Variants in NGEF observed in about 807,000 individuals in gnomAD.
NGEF encodes the protein neuronal guanine nucleotide exchange factor, also known as ephexin-1.
Under a neutral mutation model 80.9 loss-of-function variants are expected in NGEF, and 31 were observed. That is an observed-to-expected ratio of 0.38 (90% CI 0.29 to 0.52). The LOEUF (loss-of-function observed/expected upper bound fraction) is 0.52, where lower values mean the gene tolerates loss of function less well. NGEF is among the 20% of genes least tolerant of loss of function. NGEF has a pLI of 0.84. For synonymous variants in NGEF, 371 were observed against 370.2 expected (o/e 1.00, Z -0.03); for missense variants, 709 against 926.2 (o/e 0.77, Z 3.04).
chr2:232,991,863 AC>A (rs565251326), intron 1 of NGEF, among the ~76,000 whole-genome samples: 200 of 152,366 alleles, frequency 1.3e-3, no homozygotes, highest in Middle Eastern at 0.01. Flanking sequence ...ACAGTGTGGT[AC>A]TGGCACAGGA....
intron 4 of NGEF, among the ~76,000 whole-genome samples, chr2:232,925,783 G>A (rs927499816): frequency 6.6e-6 from 1 of 152,128 alleles, no homozygotes; most frequent in Admixed American, 6.5e-5. Context: ...GGTTGTCAGG[G>A]GCCTTTGTTT....
chr2:232,981,885 T>G (rs1434883448), intron 1 of NGEF, among the ~76,000 whole-genome samples: 1 of 152,236 alleles, frequency 6.6e-6, no homozygotes, highest in East Asian at 1.9e-4. Context: ...TTTATACACC[T>G]GCTCGGGAAC....
At chr2:232,982,909 C>T (rs950918640) in intron 1 of NGEF, among the ~76,000 whole-genome samples, 1 of 152,180 alleles carries the variant, frequency 6.6e-6, no homozygotes, top group Non-Finnish European at 1.5e-5. Flanking sequence ...TCTGGCTTGG[C>T]AGAAAAGTCC....
chr2:232,949,817 G>GTT (rs540579976), intron 3 of NGEF, among the ~76,000 whole-genome samples: 9 of 133,138 alleles, frequency 6.8e-5, no homozygotes, highest in South Asian at 2.4e-4. Flanking sequence ...TAAATTTTTG[G>GTT]TTTTTTTTTT....
Position 232,879,263 on chromosome 2 carries a change from G to A in NGEF, c.*226C>T, listed in dbSNP as rs1691403244. ...GGTGTAATACTGCTGAAACCTTCTT[G>A]TTTACAAATGCATCAGGAGAGGCTT... is the stretch of plus-strand genomic sequence containing the variant. On this transcript the variant is annotated 3_prime_UTR_variant, in exon 15 of 15. Transcript: ENST00000264051. 1 of 517,762 alleles carries A rather than the reference G, an allele frequency of 1.9e-6. No individual in the cohort carries two copies. Among genetic ancestry groups the A allele is most frequent in the African/African-American group, 1.9e-5 (1 of 52,814 alleles). 32.1% of individuals were successfully genotyped at this position (517,762 alleles called of 1,614,324 possible).
intron 5 of NGEF, 103 bp from the exon 6 acceptor site, chr2:232,895,019 G>C (rs1218561357): frequency 7.4e-7 from 1 of 1,352,004 alleles, no homozygotes; most frequent in Non-Finnish European, 1.0e-6. Context: ...GCAGGGAGTT[G>C]AAAGGGAAAA....
At chr2:232,976,835 C>G (rs1484251564) in intron 1 of NGEF, among the ~76,000 whole-genome samples, 1 of 152,230 alleles carries the variant, frequency 6.6e-6, no homozygotes, top group Non-Finnish European at 1.5e-5. Flanking sequence ...ATACCTGACC[C>G]TTCTGGTCCC....
chr2:232,915,881 G>C (rs1452212953), intron 5 of NGEF, among the ~76,000 whole-genome samples: 1 of 152,082 alleles, frequency 6.6e-6, no homozygotes, highest in Non-Finnish European at 1.5e-5. Flanking sequence ...AGTAGAGATG[G>C]GGTTTCACCA....
rs1377636542 is a variant in NGEF at position 232,995,157 on chromosome 2, ATG to A, written c.-75+17909_-75+17910del. Reference sequence around the variant, plus strand: ...TGTACAGTATGTATATATGTACAGTATGTATACTGTATATGTGTACAGTATGT... The same window carrying A: ...TGTACAGTATGTATATATGTACAGTATATACTGTATATGTGTACAGTATGT... On this transcript the variant is annotated intron_variant, in intron 1 of 14. Transcript: ENST00000264051. Among the ~76,000 whole-genome samples, 2 of 34,542 alleles carry A rather than the reference ATG, an allele frequency of 5.8e-5. 1 individual carries two copies. Among genetic ancestry groups the A allele is most frequent in the Non-Finnish European group, 1.2e-4 (2 of 17,270 alleles). 22.7% of individuals were successfully genotyped at this position (34,542 alleles called of 152,430 possible).
chr2:232,978,761 C>T (rs1055541647), intron 1 of NGEF, among the ~76,000 whole-genome samples: 1 of 152,060 alleles, frequency 6.6e-6, no homozygotes, highest in Non-Finnish European at 1.5e-5. Flanking sequence ...AGTCTGTCGC[C>T]CTTGCTGGAG....
intron 1 of NGEF, among the ~76,000 whole-genome samples, chr2:232,983,145 GA>G (rs1694471549): frequency 6.6e-6 from 1 of 152,168 alleles, no homozygotes; most frequent in Admixed American, 6.5e-5. Context: ...AAAGATCCTG[GA>G]AAAATCTTAA....
intron 3 of NGEF, among the ~76,000 whole-genome samples, chr2:232,927,703 G>A (rs1693105929): frequency 1.3e-5 from 2 of 152,074 alleles, no homozygotes; most frequent in Non-Finnish European, 2.9e-5. Flanking sequence ...AGGGGCCCGG[G>A]CCGGGGCTCA....
chr2:232,944,551 A>G (rs1693510530), intron 3 of NGEF, among the ~76,000 whole-genome samples: 1 of 151,940 alleles, frequency 6.6e-6, no homozygotes, highest in Non-Finnish European at 1.5e-5. Flanking sequence ...GAGAGAAGCC[A>G]GGGATGGAGT....
At chr2:233,004,036 G>A (rs1467056163) in intron 1 of NGEF, among the ~76,000 whole-genome samples, 1 of 152,134 alleles carries the variant, frequency 6.6e-6, no homozygotes, top group Non-Finnish European at 1.5e-5. Context: ...CAGTCACTCT[G>A]CAAGACAGGC....
intron 1 of NGEF, among the ~76,000 whole-genome samples, chr2:233,007,181 G>T (rs139356230): frequency 6.6e-6 from 1 of 152,106 alleles, no homozygotes; most frequent in Non-Finnish European, 1.5e-5. Context: ...GAGGTCAAGG[G>T]TGCAATGAGC....
chr2:232,925,427 A>G (rs541161500), intron 4 of NGEF, among the ~76,000 whole-genome samples: 1 of 152,332 alleles, frequency 6.6e-6, no homozygotes, highest in South Asian at 2.1e-4. Context: ...GGACACCAGC[A>G]GACACCTGCA....
At chr2:232,954,202 A>G (rs998117907) in intron 3 of NGEF, among the ~76,000 whole-genome samples, 3 of 152,146 alleles carry the variant, frequency 2.0e-5, no homozygotes, top group African/African-American at 7.2e-5. Flanking sequence ...GGGCCCTGGA[A>G]TCACACCCTT....
chr2:232,927,098 G>T lies in NGEF; in HGVS notation c.472C>A (p.Arg158=). 1 of 1,613,728 alleles carries T rather than the reference G, an allele frequency of 6.2e-7. No individual in the cohort carries two copies. The highest frequency in any genetic ancestry group is 1.7e-4 in the Middle Eastern group (1 of 6,044). Residue 158 remains arginine (R), a synonymous_variant, in exon 4 of 15, where the codon CGG becomes AGG. Transcript: ENST00000264051. The part of the protein sequence containing the change: ...DSPTTLTEAL[R]MIHPIPADSW... Reference sequence around the variant, plus strand: ...TCGGCGGGAATGGGGTGGATCATCCGCAGGGCCTCGGTGAGCGTGGTGGGG... The same window carrying T: ...TCGGCGGGAATGGGGTGGATCATCCTCAGGGCCTCGGTGAGCGTGGTGGGG...
intron 2 of NGEF, 83 bp from the exon 3 acceptor site, chr2:232,970,411 CA>C (rs1694161898): frequency 1.1e-6 from 1 of 882,428 alleles, no homozygotes; most frequent in African/African-American, 1.8e-5. Context: ...AGGACAGTAG[CA>C]GCAGTCATGC....
Sources: gnomAD v4.1 joint callset for allele counts (sites outside exome capture counted in the v4.1 genomes callset) on GRCh38, gnomAD v4.1.1 for gene constraint, MANE v1.5 for transcripts, NCBI Gene and HGNC (gene_info 2026-07-23, HGNC 2026-07-21) for gene names.